MYO16: variants seen among roughly 807,000 people sequenced by gnomAD.
MYO16 encodes the protein myosin XVI.
MYO16 carries 94 observed loss-of-function variants against 205.3 expected under a neutral mutation model. The ratio of observed to expected loss-of-function variants is 0.46; its 90% CI spans 0.39 to 0.54. MYO16 has a LOEUF of 0.54. Among genes scored for constraint, MYO16 ranks in the 20% least tolerant of loss-of-function variants. The pLI is 0.00. For missense variants in MYO16, 2,315 were observed against 2,387.5 expected (o/e 0.97, Z 0.63); for synonymous variants, 988 against 954.0 (o/e 1.04, Z -0.66).
chr13:109,199,753 T>C (rs1880329020), intron 34 of MYO16, among the ~76,000 whole-genome samples: 1 of 152,200 alleles, frequency 6.6e-6, no homozygotes, highest in Non-Finnish European at 1.5e-5. Flanking sequence ...CTAAAGCTTT[T>C]TGTTACAAAA....
At chr13:109,061,081 T>C (rs1467286946) in intron 27 of MYO16, among the ~76,000 whole-genome samples, 1 of 148,698 alleles carries the variant, frequency 6.7e-6, no homozygotes, top group East Asian at 2.0e-4. Flanking sequence ...ACCTCTGTTA[T>C]CTTCCAGCAT....
At chr13:109,164,104 A>T (rs1218690499) in intron 32 of MYO16, 1 of 152,208 alleles carries the variant, frequency 6.6e-6, no homozygotes, top group Non-Finnish European at 1.5e-5. Flanking sequence ...GTGAAGTCAG[A>T]GAAAGGGAAC....
At chr13:108,555,996 T>C in the MYO16 span, among the ~76,000 whole-genome samples, 1 of 152,192 alleles carries the variant, frequency 6.6e-6, no homozygotes, top group Non-Finnish European at 1.5e-5. Context: ...CATTCATCTG[T>C]GGATGGACAC....
chr13:108,717,213 C>T (rs1262746599), intron 3 of MYO16, among the ~76,000 whole-genome samples: 1 of 152,182 alleles, frequency 6.6e-6, no homozygotes, highest in Non-Finnish European at 1.5e-5. Context: ...CCCTCCACCT[C>T]AGACTATAGC....
At chr13:108,885,801 G>A (rs1879841892) in intron 13 of MYO16, among the ~76,000 whole-genome samples, 1 of 152,154 alleles carries the variant, frequency 6.6e-6, no homozygotes, top group African/African-American at 2.4e-5. Context: ...GGCTCTAAGG[G>A]GAGAAAAGGA....
At chr13:108,589,382 T>C in the MYO16 span, among the ~76,000 whole-genome samples, 3 of 152,200 alleles carry the variant, frequency 2.0e-5, no homozygotes, top group South Asian at 6.2e-4. Context: ...AGTATAGCCC[T>C]TGATGTTTTC....
intron 4 of MYO16, among the ~76,000 whole-genome samples, chr13:108,769,294 G>T (rs1885883750): frequency 6.6e-6 from 1 of 152,142 alleles, no homozygotes; most frequent in Non-Finnish European, 1.5e-5. Context: ...GGGCCAGAGA[G>T]GTTGGGGCAG....
intron 16 of MYO16, among the ~76,000 whole-genome samples, chr13:108,939,889 A>G (rs1375159991): frequency 6.6e-6 from 1 of 152,148 alleles, no homozygotes; most frequent in Non-Finnish European, 1.5e-5. Flanking sequence ...CACACTTCAT[A>G]TCATATATTA....
intron 4 of MYO16, among the ~76,000 whole-genome samples, chr13:108,743,554 C>T (rs989155691): frequency 3.3e-5 from 5 of 152,172 alleles, no homozygotes; most frequent in Admixed American, 6.5e-5. Flanking sequence ...TGAGGCTCAG[C>T]AGTGACATTA....
chr13:108,659,029 G>T (rs1053931203), intron 1 of MYO16, among the ~76,000 whole-genome samples: 1 of 151,224 alleles, frequency 6.6e-6, no homozygotes, highest in Non-Finnish European at 1.5e-5. Context: ...GGGCATTTCC[G>T]GTAGTTGTAC....
the MYO16 span, among the ~76,000 whole-genome samples, chr13:108,499,892 C>G: frequency 9.8e-5 from 15 of 152,308 alleles, no homozygotes; most frequent in African/African-American, 3.6e-4. Flanking sequence ...TCCGTTCCCT[C>G]CCTCCACTTC....
intron 10 of MYO16, among the ~76,000 whole-genome samples, chr13:108,847,813 T>TTCCCA: frequency 6.6e-6 from 1 of 152,302 alleles, no homozygotes; most frequent in Admixed American, 6.5e-5. Flanking sequence ...CTGGTTTCCT[T>TTCCCA]TCCCATCCCA....
At chr13:109,124,458 T>C (rs1419862467) in intron 29 of MYO16, among the ~76,000 whole-genome samples, 1 of 152,142 alleles carries the variant, frequency 6.6e-6, no homozygotes, top group African/African-American at 2.4e-5. Flanking sequence ...CGCAATAGAG[T>C]GTCTTACAGA....
the MYO16 span, among the ~76,000 whole-genome samples, chr13:108,584,751 T>C: frequency 6.6e-6 from 1 of 152,190 alleles, no homozygotes; most frequent in Non-Finnish European, 1.5e-5. Context: ...GTTTATAAAA[T>C]CAGGTACATG....
the MYO16 span, among the ~76,000 whole-genome samples, chr13:108,568,057 T>A: frequency 6.6e-6 from 1 of 152,198 alleles, no homozygotes; most frequent in South Asian, 2.1e-4. Context: ...TTTTTAACAC[T>A]GTATTCAGTA....
rs758918458 is a variant in MYO16, at chr13:109,055,105, C to T, written c.3108C>T (p.Val1036=). ...AAAGATTGGAACGAGGAGATCCAGT[C>T]ACCATAGCATCACAACTCAGGGTTA... ...FLQRLERGDP[V]TIASQLRKSL... Residue 1036 remains valine, a synonymous_variant, in exon 26 of 35, where the codon GTC becomes GTT. Transcript: ENST00000457511. The surrounding 1 kb of genome is among the most constrained non-coding windows in gnomAD (Gnocchi z 5.0). 3.6e-5 allele frequency: 57 copies of T among 1,587,950 alleles called. No individual in the cohort carries two copies. The highest frequency in any genetic ancestry group is 1.4e-5 in the African/African-American group (1 of 73,114).
chr13:108,740,751 G>A (rs1217780208), intron 4 of MYO16, among the ~76,000 whole-genome samples: 1 of 152,178 alleles, frequency 6.6e-6, no homozygotes, highest in Non-Finnish European at 1.5e-5. Flanking sequence ...TACAAAGGCA[G>A]GCAGGCCTCC....
At chr13:108,806,995 T>A (rs930124703) in intron 7 of MYO16, among the ~76,000 whole-genome samples, 191 bp downstream of exon 7, 5 of 152,236 alleles carry the variant, frequency 3.3e-5, no homozygotes, top group African/African-American at 4.8e-5. Flanking sequence ...ATGTTCCTTA[T>A]GTATCTGAAT....
At chr13:108,741,093 A>G (rs1884893365) in intron 4 of MYO16, among the ~76,000 whole-genome samples, 2 of 151,984 alleles carry the variant, frequency 1.3e-5, no homozygotes, top group South Asian at 2.1e-4. Flanking sequence ...AGGTGAAGCA[A>G]TGCCTCGCCC....
Sources: allele counts gnomAD v4.1 joint callset (sites outside exome capture counted in the v4.1 genomes callset), GRCh38; gene constraint gnomAD v4.1.1; non-coding constraint Gnocchi (gnomAD v3.1); transcripts MANE v1.5; gene names NCBI Gene and HGNC (gene_info 2026-07-23, HGNC 2026-07-21).